The following NAALADL2 variants were observed in gnomAD, a reference collection of about 807,000 sequenced individuals.
NAALADL2 encodes N-acetylated alpha-linked acidic dipeptidase like 2.
NAALADL2 carries 76 observed loss-of-function variants against 87.2 expected under a neutral mutation model. That is an observed-to-expected ratio of 0.87 (90% CI 0.72 to 1.05). The LOEUF (loss-of-function observed/expected upper bound fraction) is 1.05, where lower values mean the gene tolerates loss of function less well. Among genes scored for constraint, NAALADL2 ranks in the 50% least tolerant of loss-of-function variants. The probability of loss-of-function intolerance (pLI) is 0.00; values close to 1 mark genes in which losing one functional copy is unlikely to be tolerated. For missense variants in NAALADL2, 1,089 were observed against 945.8 expected (o/e 1.15, Z -1.99); for synonymous variants, 354 against 331.0 (o/e 1.07, Z -0.75).
At chr3:174,894,585 A>C (rs1217334432) in intron 1 of NAALADL2, among the ~76,000 whole-genome samples, 1 of 118,666 alleles carries the variant, frequency 8.4e-6, no homozygotes, top group East Asian at 2.9e-4. Context: ...AAAGAGTGAA[A>C]CTCCGTCTCA....
At chr3:175,389,407 C>T (rs1334243492) in intron 5 of NAALADL2, among the ~76,000 whole-genome samples, 1 of 152,092 alleles carries the variant, frequency 6.6e-6, no homozygotes, top group Admixed American at 6.6e-5. Context: ...ATTGTTCTGG[C>T]TTTATAAGTT....
At chr3:174,861,009 G>A (rs1412630056) in intron 1 of NAALADL2, among the ~76,000 whole-genome samples, 1 of 151,996 alleles carries the variant, frequency 6.6e-6, no homozygotes, top group Non-Finnish European at 1.5e-5. Context: ...TAATTTGAAT[G>A]GTGTGCTTTA....
intron 3 of NAALADL2, among the ~76,000 whole-genome samples, chr3:174,773,326 C>A (rs1560213073): frequency 6.6e-6 from 1 of 152,194 alleles, no homozygotes; most frequent in East Asian, 1.9e-4. Flanking sequence ...GAGGTGTGAA[C>A]CCAATTCAAC....
At chr3:175,094,279 C>T (rs1331072863) in intron 1 of NAALADL2, among the ~76,000 whole-genome samples, 1 of 151,798 alleles carries the variant, frequency 6.6e-6, no homozygotes, top group Non-Finnish European at 1.5e-5. Context: ...AAGGTTACAG[C>T]AATTTACTGA....
At chr3:174,901,379 G>T (rs1732284389) in intron 1 of NAALADL2, among the ~76,000 whole-genome samples, 1 of 152,092 alleles carries the variant, frequency 6.6e-6, no homozygotes, top group Non-Finnish European at 1.5e-5. Flanking sequence ...GAAGAACGTG[G>T]GTAGGAGGCC....
intron 3 of NAALADL2, among the ~76,000 whole-genome samples, chr3:174,799,804 T>C (rs1421405379): frequency 1.3e-5 from 2 of 152,200 alleles, no homozygotes; most frequent in African/African-American, 4.8e-5. Context: ...ACTTGCTTAA[T>C]GGCTTTGACC....
At chr3:174,750,400 ATTCTTC>A (rs147238623) in intron 3 of NAALADL2, among the ~76,000 whole-genome samples, 3,748 of 151,398 alleles carry the variant, frequency 0.025, 54 homozygotes, top group Middle Eastern at 0.048. Context: ...TTTCATTTCC[ATTCTTC>A]TTCTTCTTCT....
At chr3:175,728,786 G>A (rs1231870397) in intron 11 of NAALADL2, among the ~76,000 whole-genome samples, 3 of 152,124 alleles carry the variant, frequency 2.0e-5, no homozygotes, top group African/African-American at 7.2e-5. Flanking sequence ...ACTGAATCAT[G>A]GCCATATGGC....
At chr3:175,640,171 C>G (rs1402574627) in intron 11 of NAALADL2, among the ~76,000 whole-genome samples, 1 of 152,136 alleles carries the variant, frequency 6.6e-6, no homozygotes, top group East Asian at 1.9e-4. Flanking sequence ...TACATTTTCT[C>G]TTTCAGTTAA....
At chr3:174,669,792 G>A (rs1288519013) in intron 2 of NAALADL2, among the ~76,000 whole-genome samples, 1 of 151,794 alleles carries the variant, frequency 6.6e-6, no homozygotes, top group African/African-American at 2.4e-5. Context: ...TGTGATTTTT[G>A]ATACATAGTT....
At chr3:174,798,429 A>G (rs183142282) in intron 3 of NAALADL2, among the ~76,000 whole-genome samples, 122 of 152,308 alleles carry the variant, frequency 8.0e-4, no homozygotes, top group African/African-American at 2.7e-3. Context: ...GAAGTTCCAT[A>G]TGAATTTCAG....
intron 11 of NAALADL2, among the ~76,000 whole-genome samples, chr3:175,636,752 T>C (rs1447699949): frequency 6.6e-6 from 1 of 151,440 alleles, no homozygotes. Context: ...ATCACTGATT[T>C]AAGAAACCCC....
At chr3:175,597,212 A>T (rs1358506988) in intron 10 of NAALADL2, among the ~76,000 whole-genome samples, 1 of 152,168 alleles carries the variant, frequency 6.6e-6, no homozygotes. Flanking sequence ...ATGTTTATTT[A>T]TCAACAATTC....
chr3:174,551,404 C>T (rs1283632302), intron 2 of NAALADL2: 2 of 152,132 alleles, frequency 1.3e-5, no homozygotes, highest in Non-Finnish European at 2.9e-5. Context: ...ATAAGTTATT[C>T]AGATAATTGT....
intron 11 of NAALADL2, among the ~76,000 whole-genome samples, chr3:175,716,991 C>T (rs1741389437): frequency 1.3e-5 from 2 of 152,140 alleles, no homozygotes; most frequent in African/African-American, 2.4e-5. Context: ...CAAACCTGAG[C>T]TGTAATTTAC....
At chr3:174,658,883 G>A (rs1381280262) in intron 2 of NAALADL2, among the ~76,000 whole-genome samples, 2 of 152,126 alleles carry the variant, frequency 1.3e-5, no homozygotes, top group Admixed American at 6.5e-5. Flanking sequence ...TAACAAATAT[G>A]TATAATGCAG....
chr3:175,654,411 C>T (rs1043065288), intron 11 of NAALADL2, among the ~76,000 whole-genome samples: 1 of 152,144 alleles, frequency 6.6e-6, no homozygotes, highest in East Asian at 1.9e-4. Flanking sequence ...TTAAGCCAAA[C>T]TTTTTTCTAA....
chr3:174,885,873 G>GTTT (rs1403797617), intron 1 of NAALADL2, among the ~76,000 whole-genome samples: 3 of 83,768 alleles, frequency 3.6e-5, no homozygotes, highest in African/African-American at 4.6e-5. Flanking sequence ...GCCAGTCCGA[G>GTTT]TTGTTTTTTT....
intron 1 of NAALADL2, among the ~76,000 whole-genome samples, chr3:174,529,811 A>T (rs1578097393): frequency 6.6e-6 from 1 of 152,130 alleles, no homozygotes; most frequent in Non-Finnish European, 1.5e-5. Context: ...AGCAGCAGGG[A>T]CACGGCATCA....
Sources: gnomAD v4.1 joint callset for allele counts (sites outside exome capture counted in the v4.1 genomes callset) on GRCh38, gnomAD v4.1.1 for gene constraint, MANE v1.5 for transcripts, NCBI Gene and HGNC (gene_info 2026-07-23, HGNC 2026-07-21) for gene names.